GAREM1: variants seen among roughly 807,000 people sequenced by gnomAD.
The protein encoded by GAREM1 is GRB2-associated and regulator of MAPK protein 1.
In GAREM1, 26 loss-of-function variants were observed where a neutral mutation model predicts 71.3. The ratio of observed to expected loss-of-function variants is 0.36; its 90% CI spans 0.27 to 0.51. The LOEUF is 0.51. Among genes scored for constraint, GAREM1 ranks in the 20% least tolerant of loss-of-function variants. The pLI, the probability that GAREM1 is intolerant of heterozygous loss-of-function variation, is 0.95. For missense variants in GAREM1, 1,026 were observed against 1,103.1 expected (o/e 0.93, Z 0.99); for synonymous variants, 440 against 433.2 (o/e 1.02, Z -0.20).
intron 2 of GAREM1, among the ~76,000 whole-genome samples, chr18:32,383,466 G>C (rs1329757311): frequency 2.6e-5 from 4 of 152,124 alleles, no homozygotes; most frequent in Non-Finnish European, 4.4e-5. Context: ...CATGAAGTCT[G>C]TTTTCCACAA....
chr18:32,427,337 T>G (rs550966481), intron 1 of GAREM1, among the ~76,000 whole-genome samples: 2 of 152,180 alleles, frequency 1.3e-5, no homozygotes, highest in African/African-American at 4.8e-5. Flanking sequence ...AAATTATTCT[T>G]CCCAAATTTA....
intron 1 of GAREM1, among the ~76,000 whole-genome samples, chr18:32,452,206 C>T (rs1295461509): frequency 1.3e-5 from 2 of 152,050 alleles, no homozygotes; most frequent in African/African-American, 4.8e-5. Context: ...TAGTTTGTTA[C>T]CCATTTTTAT....
At chr18:32,468,233 A>G (rs1183048508) in intron 1 of GAREM1, among the ~76,000 whole-genome samples, 1 of 152,248 alleles carries the variant, frequency 6.6e-6, no homozygotes, top group Admixed American at 6.5e-5. Context: ...ATTACATCAC[A>G]ATTTTTAATA....
chr18:32,442,735 G>A (rs2048750685), intron 1 of GAREM1, among the ~76,000 whole-genome samples: 1 of 152,102 alleles, frequency 6.6e-6, no homozygotes, highest in Admixed American at 6.6e-5. Flanking sequence ...TTTGTTCATT[G>A]TGCAGATAAG....
At position 32,339,347 on chromosome 18, in the gene GAREM1, G is replaced by A. The variant is rs554308976; in HGVS notation, c.263-29024C>T. 3.3e-5 allele frequency among the ~76,000 whole-genome samples: 5 copies of A among 152,282 alleles called. No homozygotes were observed. The South Asian group carries it at 8.3e-4, about 25-fold the overall frequency. ...ACACCTACCATGATTCTTGCAGAAC[G>A]ACTATGTGAAAACACTGTCCTACTA... On this transcript the variant is annotated intron_variant, in intron 2 of 5. Transcript: ENST00000269209.
intron 2 of GAREM1, among the ~76,000 whole-genome samples, chr18:32,370,225 C>G (rs927622462): frequency 6.6e-6 from 1 of 151,940 alleles, no homozygotes; most frequent in African/African-American, 2.4e-5. Flanking sequence ...AAGGTCAGAT[C>G]GAGACCATCC....
chr18:32,444,991 A>G (rs2048773086), intron 1 of GAREM1, among the ~76,000 whole-genome samples: 2 of 151,962 alleles, frequency 1.3e-5, no homozygotes, highest in African/African-American at 4.8e-5. Flanking sequence ...TCCCTTCCCA[A>G]CCATCAGTAT....
At chr18:32,385,629 A>G (rs1245106475) in intron 2 of GAREM1, among the ~76,000 whole-genome samples, 1 of 152,158 alleles carries the variant, frequency 6.6e-6, no homozygotes, top group African/African-American at 2.4e-5. Flanking sequence ...CTACTGTGAA[A>G]GGAAGAAAAG....
At chr18:32,329,804 C>T (rs987687798) in intron 2 of GAREM1, among the ~76,000 whole-genome samples, 5 of 150,390 alleles carry the variant, frequency 3.3e-5, no homozygotes, top group African/African-American at 1.2e-4. Flanking sequence ...GGGGCTGGGG[C>T]AGCCATTGTG....
intron 1 of GAREM1, among the ~76,000 whole-genome samples, chr18:32,394,426 A>T (rs2048231669): frequency 6.6e-6 from 1 of 152,196 alleles, no homozygotes; most frequent in Non-Finnish European, 1.5e-5. Flanking sequence ...GAAATAAAAT[A>T]AAAAGGTTAA....
chr18:32,368,317 T>C (rs1342291608), intron 2 of GAREM1, among the ~76,000 whole-genome samples: 1 of 152,232 alleles, frequency 6.6e-6, no homozygotes, highest in Non-Finnish European at 1.5e-5. Context: ...AAATTTCCTA[T>C]GTTTTAATGA....
At chr18:32,372,631 C>T (rs1044348483) in intron 2 of GAREM1, among the ~76,000 whole-genome samples, 1 of 152,182 alleles carries the variant, frequency 6.6e-6, no homozygotes, top group African/African-American at 2.4e-5. Flanking sequence ...AGCTTCCACA[C>T]CTGCCTTCTG....
At chr18:32,302,092 T>A (rs774119966) in intron 3 of GAREM1, among the ~76,000 whole-genome samples, 12 of 152,176 alleles carry the variant, frequency 7.9e-5, no homozygotes, top group Non-Finnish European at 1.3e-4. Flanking sequence ...GAAAGTACAT[T>A]CTGATCACAA....
chr18:32,326,591 T>C (rs1191458675), intron 2 of GAREM1, among the ~76,000 whole-genome samples: 1 of 152,194 alleles, frequency 6.6e-6, no homozygotes, highest in Non-Finnish European at 1.5e-5. Context: ...TGAGTATGCT[T>C]TCAAACAGGC....
At chr18:32,300,824 T>C (rs1427717467) in intron 3 of GAREM1, among the ~76,000 whole-genome samples, 2 of 147,284 alleles carry the variant, frequency 1.4e-5, no homozygotes, top group African/African-American at 5.1e-5. Context: ...GAGAATCGCT[T>C]GAACCCGAGA....
chr18:32,268,908 G>T, intron 5 of GAREM1, 140 bp from the exon 6 acceptor site: 3 of 637,946 alleles, frequency 4.7e-6, no homozygotes, highest in Admixed American at 3.1e-5. Flanking sequence ...AACTTCACTG[G>T]GTTTTTTTTT....
intron 2 of GAREM1, among the ~76,000 whole-genome samples, chr18:32,344,923 A>G (rs1012266724): frequency 1.3e-5 from 2 of 152,118 alleles, no homozygotes; most frequent in Non-Finnish European, 2.9e-5. Flanking sequence ...TTAGCCAGGC[A>G]TGGTGGCGCA....
chr18:32,322,732 C>T (rs2047441788), intron 2 of GAREM1, among the ~76,000 whole-genome samples: 1 of 152,184 alleles, frequency 6.6e-6, no homozygotes, highest in East Asian at 1.9e-4. Flanking sequence ...AACTTAAGAG[C>T]CAGCTCAAGT....
chr18:32,441,652 G>T (rs1353550181), intron 1 of GAREM1, among the ~76,000 whole-genome samples: 1 of 152,000 alleles, frequency 6.6e-6, no homozygotes, highest in African/African-American at 2.4e-5. Context: ...AAAGCAGCTC[G>T]ACTGCTGCTT....
Sources: gnomAD v4.1 joint callset for allele counts (sites outside exome capture counted in the v4.1 genomes callset) on GRCh38, gnomAD v4.1.1 for gene constraint, MANE v1.5 for transcripts, NCBI Gene and HGNC (gene_info 2026-07-23, HGNC 2026-07-21) for gene names.